Variants in KAT14 observed in about 807,000 individuals in gnomAD.
KAT14 encodes lysine acetyltransferase 14, also known as cysteine-rich protein 2-binding protein.
A neutral mutation model predicts 78.4 loss-of-function variants in KAT14; 66 were observed. That is an observed-to-expected ratio of 0.84 (90% CI 0.69 to 1.03). The LOEUF (loss-of-function observed/expected upper bound fraction) is 1.03. Among genes scored for constraint, KAT14 ranks in the 50% least tolerant of loss-of-function variants. KAT14 has a pLI of 0.00. For synonymous variants in KAT14, 344 were observed against 359.4 expected (o/e 0.96, Z 0.48); for missense variants, 870 against 972.5 (o/e 0.89, Z 1.40).
chr20:18,171,780 G>C (rs1205204), intron 7 of KAT14, among the ~76,000 whole-genome samples: 150,177 of 152,290 alleles, frequency 0.99, 74,054 homozygotes, highest in East Asian at 1. Flanking sequence ...CCCCTGCACT[G>C]TAGCCTAGGC....
intron 7 of KAT14, among the ~76,000 whole-genome samples, chr20:18,169,964 C>T (rs939819244): frequency 2.0e-5 from 3 of 152,158 alleles, no homozygotes; most frequent in African/African-American, 7.2e-5. Flanking sequence ...ACAGTATTCC[C>T]TTAAGCCAAA....
intron 7 of KAT14, among the ~76,000 whole-genome samples, chr20:18,181,121 G>C (rs2039231200): frequency 2.0e-5 from 3 of 152,042 alleles, no homozygotes. Context: ...GTTCAATCCT[G>C]CATCTCACTC....
In KAT14 at chr20:18,139,280, T is replaced by G. The variant is rs78840475; in HGVS notation, c.-454+1229T>G. On this transcript the variant is annotated intron_variant, in intron 1 of 10. Coordinates refer to ENST00000688188, the MANE Select transcript of KAT14 (RefSeq NM_001392073.1). ...AATAGAGGCAGAAGACTTCCGCCTCTTACAAGGAAAAGTAAAAGATGTTGA... is the reference window on the plus strand; with the variant it reads ...AATAGAGGCAGAAGACTTCCGCCTCGTACAAGGAAAAGTAAAAGATGTTGA... Among the ~76,000 whole-genome samples, 1,134 of 152,342 alleles carry G rather than the reference T, an allele frequency of 7.4e-3. 7 individuals are homozygous for G. The highest frequency in any genetic ancestry group is 0.012 in the Non-Finnish European group (801 of 68,030).
At chr20:18,169,506 T>C (rs2038774198) in intron 7 of KAT14, among the ~76,000 whole-genome samples, 1 of 152,214 alleles carries the variant, frequency 6.6e-6, no homozygotes, top group South Asian at 2.1e-4. Flanking sequence ...GTAATTGTTT[T>C]GGAGCACCAT....
In KAT14 at chr20:18,187,136, C is replaced by G. The variant is rs146398432; in HGVS notation, c.2173-150C>G. 791 of 923,734 alleles carry G rather than the reference C, an allele frequency of 8.6e-4. 3 individuals are homozygous for G. In the East Asian group the frequency reaches 9.3e-3, roughly 11 times the overall value. The allele number at this position is 923,734 out of a possible 1,614,324, so 57.2% of individuals were successfully genotyped here. ...CAGCAAAATGTCATTCTGTTTCCAG[C>G]TGTTGCTAGGTGTTGCAATGTCTCA... On this transcript the variant is annotated intron_variant, in intron 10 of 10. Coordinates refer to ENST00000688188, the MANE Select transcript of KAT14 (RefSeq NM_001392073.1).
rs190793399 is a variant in KAT14, at chr20:18,181,778, A to G, written c.1737A>G (p.Ser579=). The G allele has an allele frequency of 6.2e-7, 1 of 1,614,234 alleles. No individual in the cohort carries two copies. The highest frequency in any genetic ancestry group is 2.2e-5 in the East Asian group (1 of 44,882). ...TTKFLYRLVG[S]EDMAVDQSIV... ...AGTTTTTGTATCGCTTGGTAGGATCAGAAGATATGGCTGTGGACCAGAGTA... is the reference window on the plus strand; with the variant it reads ...AGTTTTTGTATCGCTTGGTAGGATCGGAAGATATGGCTGTGGACCAGAGTA... Residue 579 remains serine, a synonymous_variant, in exon 8 of 11, where the codon TCA becomes TCG. Coordinates refer to ENST00000688188, the MANE Select transcript of KAT14 (RefSeq NM_001392073.1).
In KAT14 at chr20:18,181,788, G is replaced by T; in HGVS notation, c.1747G>T (p.Ala583Ser). 6.2e-7 allele frequency: 1 copy of T among 1,614,206 alleles called. No individual in the cohort carries two copies. The highest frequency in any genetic ancestry group is 8.5e-7 in the Non-Finnish European group (1 of 1,180,042). Residue 583 changes from alanine to serine, a missense_variant, in exon 8 of 11, where the codon GCT (alanine) becomes TCT (serine). Transcript: ENST00000688188. ...LYRLVGSEDM[A>S]VDQSIVSPYT... is the part of the protein sequence containing the mutation. The stretch of plus-strand genomic sequence containing the variant: ...TCGCTTGGTAGGATCAGAAGATATG[G>T]CTGTGGACCAGAGTATTGTCAGCCC...
chr20:18,143,041 T>G, intron 2 of KAT14, 122 bp downstream of exon 2: 1 of 1,445,540 alleles, frequency 6.9e-7, no homozygotes, highest in Non-Finnish European at 9.1e-7. Context: ...ATTTATTCTC[T>G]AGTTGATCAG....
chr20:18,142,647 G>A lies in KAT14; in HGVS notation c.-14G>A. On this transcript the variant is annotated 5_prime_UTR_variant, in exon 2 of 11. In the 5' UTR this introduces an upstream ATG that the reference lacks. Transcript: ENST00000688188. ...GTTACTGAGAAGCACTGCCGAGCTT[G>A]TGAGAAGGAAGGGATGGATAGTAGC... The A allele has an allele frequency of 6.2e-7, 1 of 1,613,706 alleles. No homozygotes were observed. The highest frequency in any genetic ancestry group is 8.5e-7 in the Non-Finnish European group (1 of 1,179,620).
chr20:18,169,680 T>A (rs1225662552), intron 7 of KAT14, among the ~76,000 whole-genome samples: 1 of 152,220 alleles, frequency 6.6e-6, no homozygotes, highest in Non-Finnish European at 1.5e-5. Context: ...GGCTTTTAAG[T>A]GTTCAAGTAA....
intron 7 of KAT14, among the ~76,000 whole-genome samples, chr20:18,166,409 G>A (rs2038643164): frequency 6.6e-6 from 1 of 152,214 alleles, no homozygotes; most frequent in Non-Finnish European, 1.5e-5. Flanking sequence ...ATAAGGAAGG[G>A]GCGTAGACTG....
At chr20:18,184,256 A>G (rs1204015528) in intron 9 of KAT14, among the ~76,000 whole-genome samples, 2 of 152,204 alleles carry the variant, frequency 1.3e-5, no homozygotes, top group African/African-American at 2.4e-5. Context: ...TTCATCTTAC[A>G]TATTGCAGAA....
chr20:18,139,122 G>A (rs1600211367), intron 1 of KAT14, among the ~76,000 whole-genome samples: 2 of 152,160 alleles, frequency 1.3e-5, no homozygotes, highest in East Asian at 3.8e-4. Context: ...CACAGACTGT[G>A]GAAATTAGAA....
At chr20:18,171,537 C>G (rs1189282036) in intron 7 of KAT14, among the ~76,000 whole-genome samples, 3 of 152,248 alleles carry the variant, frequency 2.0e-5, no homozygotes, top group Admixed American at 6.5e-5. Flanking sequence ...CATGGCCAGG[C>G]ACAGTGGCTC....
chr20:18,145,222 T>G lies in KAT14; in HGVS notation c.260-11T>G. 2 of 1,613,362 alleles carry G rather than the reference T, an allele frequency of 1.2e-6. No homozygotes were observed. Among genetic ancestry groups the G allele is most frequent in the Non-Finnish European group, 1.7e-6 (2 of 1,179,832 alleles). ...ATAAACCCATGATGTGACTTTTTGT[T>G]TTTCTCCTAGGTCAGCTGAGGGAAC... On this transcript the variant is annotated splice_polypyrimidine_tract_variant and intron_variant, in intron 2 of 10. Coordinates refer to ENST00000688188, the MANE Select transcript of KAT14 (RefSeq NM_001392073.1).
At chr20:18,150,674 G>A in intron 3 of KAT14, 147 bp from the exon 4 acceptor site, 2 of 1,319,164 alleles carry the variant, frequency 1.5e-6, no homozygotes, top group South Asian at 1.5e-5. Flanking sequence ...TCTACCCTGG[G>A]AATATTCCAA....
At position 18,145,282 on chromosome 20, in the gene KAT14, G is replaced by A. The variant is rs200083646; in HGVS notation, c.309G>A (p.Arg103=). Residue 103 remains arginine, a synonymous_variant, in exon 3 of 11, where the codon AGG becomes AGA. Coordinates refer to ENST00000688188, the MANE Select transcript of KAT14 (RefSeq NM_001392073.1). The stretch of plus-strand genomic sequence containing the variant: ...ACCTTAAGGGTGATAATTTTTTTAG[G>A]TTTACTTGTTCGGATTGCTCAGCAG... ...LSYLKGDNFF[R]FTCSDCSADG... 6 of 1,614,116 alleles carry A rather than the reference G, an allele frequency of 3.7e-6. No individual in the cohort carries two copies. The highest frequency in any genetic ancestry group is 2.2e-5 in the East Asian group (1 of 44,884).
rs747565556 is a variant in KAT14, at chr20:18,187,357, T to C, written c.2244T>C (p.Phe748=). ...CCGCTATGCTACTGTACCAGAAGTT[T>C]GGATTCAAGACTGAAGAATATGTAT... The part of the protein sequence containing the change: ...SNPAMLLYQK[F]GFKTEEYVLD... Residue 748 remains phenylalanine (F), a synonymous_variant, in exon 11 of 11, where the codon TTT becomes TTC. Transcript: ENST00000688188. The C allele has an allele frequency of 6.2e-7, 1 of 1,614,130 alleles. No individual in the cohort carries two copies. Among genetic ancestry groups the C allele is most frequent in the Non-Finnish European group, 8.5e-7 (1 of 1,180,014 alleles).
At position 18,142,737 on chromosome 20, in the gene KAT14, G is replaced by A. The variant is rs1219496895; in HGVS notation, c.77G>A (p.Gly26Glu). 1 of 1,614,108 alleles carries A rather than the reference G, an allele frequency of 6.2e-7. No homozygotes were observed. Among genetic ancestry groups the A allele is most frequent in the Admixed American group, 1.7e-5 (1 of 60,008 alleles). ...GCCACGAGAACATCGACCTCAGAAGGACTGGAGGAAGGTGAAGTGGAGGGA... is the reference window on the plus strand; with the variant it reads ...GCCACGAGAACATCGACCTCAGAAGAACTGGAGGAAGGTGAAGTGGAGGGA... ...DEATRTSTSE[G>E]LEEGEVEGET... is the part of the protein sequence containing the mutation. Residue 26 changes from glycine (G) to glutamate (E), a missense_variant, in exon 2 of 11, where the codon GGA (glycine) becomes GAA (glutamate). Coordinates refer to ENST00000688188, the MANE Select transcript of KAT14 (RefSeq NM_001392073.1).
Sources: gnomAD v4.1 joint callset for allele counts (sites outside exome capture counted in the v4.1 genomes callset) on GRCh38, gnomAD v4.1.1 for gene constraint, MANE v1.5 for transcripts, NCBI Gene and HGNC (gene_info 2026-07-23, HGNC 2026-07-21) for gene names.